The following ZNF282 variants were observed in gnomAD, a reference collection of about 807,000 sequenced individuals.
ZNF282 encodes HTLV-I U5 repressive element-binding protein 1.
Under a neutral mutation model 61.9 loss-of-function variants are expected in ZNF282, and 30 were observed. The observed-to-expected ratio is 0.48, with a 90% CI of 0.36 to 0.66. ZNF282 has a LOEUF of 0.66. Ranked by LOEUF, ZNF282 falls within the 30% of genes least tolerant of loss-of-function variation. The pLI, the probability that ZNF282 is intolerant of heterozygous loss-of-function variation, is 0.00. For synonymous variants in ZNF282, 396 were observed against 405.0 expected, an observed-to-expected ratio of 0.98 and a Z score of 0.27; for missense variants, 788 against 941.4, an observed-to-expected ratio of 0.84 and a Z score of 2.13.
chr7:149,214,557 C>G (rs966317269), intron 7 of ZNF282, among the ~76,000 whole-genome samples: 1 of 152,072 alleles, frequency 6.6e-6, no homozygotes, highest in Non-Finnish European at 1.5e-5. Flanking sequence ...AGGCTGCACA[C>G]GGTGGCTCAC....
Position 149,195,581 on chromosome 7 carries a change from A to T in ZNF282, c.-9A>T. ...CTGGCCGACCCGAGCGGGGAACAGC[A>T]CTCCCAGGATGCAGTTTGTGTCAAC... On this transcript the variant is annotated 5_prime_UTR_variant, in exon 1 of 8. Transcript: ENST00000610704. 2 of 1,608,824 alleles carry T rather than the reference A, an allele frequency of 1.2e-6. No individual in the cohort carries two copies. The highest frequency in any genetic ancestry group is 1.7e-6 in the Non-Finnish European group (2 of 1,177,968).
chr7:149,206,125 G>A (rs1411645876), intron 2 of ZNF282, among the ~76,000 whole-genome samples: 2 of 152,198 alleles, frequency 1.3e-5, no homozygotes, highest in Non-Finnish European at 2.9e-5. Flanking sequence ...GAGCTTCCTG[G>A]TGTTGGCACT....
intron 4 of ZNF282, among the ~76,000 whole-genome samples, chr7:149,208,270 A>C (rs1585566215): frequency 6.6e-6 from 1 of 151,858 alleles, no homozygotes; most frequent in Admixed American, 6.6e-5. Context: ...GCTCACTGCA[A>C]CCTCCGTCTC....
At chr7:149,210,503 ATGT>A in intron 4 of ZNF282, 79 bp from the exon 5 acceptor site, 1 of 1,573,278 alleles carries the variant, frequency 6.4e-7, no homozygotes. Flanking sequence ...ACACAAAGCA[ATGT>A]CATTCTCTGT....
At chr7:149,208,108 G>T (rs1348471457) in intron 4 of ZNF282, among the ~76,000 whole-genome samples, 1 of 152,216 alleles carries the variant, frequency 6.6e-6, no homozygotes, top group Admixed American at 6.5e-5. Flanking sequence ...GTTGGATTAG[G>T]TGAAATCTGG....
In ZNF282 at chr7:149,198,667, G is replaced by A. The variant is rs1249739845; in HGVS notation, c.500G>A (p.Arg167Gln). 6.2e-7 allele frequency: 1 copy of A among 1,614,018 alleles called. No homozygotes were observed. Among genetic ancestry groups the A allele is most frequent in the East Asian group, 2.2e-5 (1 of 44,882 alleles). The change falls in exon 2 of 8, where the codon CGG becomes CAG. Residue 167 changes from arginine (R) to glutamine (Q), a missense_variant. Arg to Gln is a conservative substitution (Grantham distance 43). Coordinates refer to ENST00000610704, the MANE Select transcript of ZNF282 (RefSeq NM_003575.4). The surrounding 1 kb of genome is among the most constrained non-coding windows in gnomAD (Gnocchi z 4.3). ...CAGGAGTACGGGCTGCTGCAGAGGC[G>A]GCTGGAGAACTTGGAGAACTTGCTG... ...LLQEYGLLQRRLENLENLLRN... is the reference protein window; with the variant it reads ...LLQEYGLLQRQLENLENLLRN...
chr7:149,207,489 A>C lies in ZNF282; in HGVS notation c.832+19A>C. ...GAAGCAGGTGATGGCAGCAGAAGAG[A>C]GTGCGGGGTCCAGGGAAGGGCGAGA... On this transcript the variant is annotated intron_variant, in intron 4 of 7. Transcript: ENST00000610704. The C allele has an allele frequency of 6.4e-7, 1 of 1,557,116 alleles. No homozygotes were observed. The highest frequency in any genetic ancestry group is 8.7e-7 in the Non-Finnish European group (1 of 1,149,732).
intron 1 of ZNF282, among the ~76,000 whole-genome samples, chr7:149,197,756 A>G (rs1270357859): frequency 1.3e-5 from 2 of 152,218 alleles, no homozygotes; most frequent in Non-Finnish European, 2.9e-5. Context: ...GGTGTGAGCC[A>G]CTGCACCTGG....
Position 149,225,022 on chromosome 7 carries a change from G to A in ZNF282, c.*375G>A, listed in dbSNP as rs958919919. The A allele has an allele frequency of 1.1e-5, 3 of 264,606 alleles. No individual in the cohort carries two copies. The Admixed American group carries it at 1.5e-4, about 13-fold the overall frequency. The allele number at this position is 264,606 out of a possible 1,614,324, so 16.4% of individuals were successfully genotyped here. On this transcript the variant is annotated 3_prime_UTR_variant, in exon 8 of 8. Transcript: ENST00000610704. The stretch of plus-strand genomic sequence containing the variant: ...AAATCAGGTCCCAAGGTTAGGAGAC[G>A]CCCTGAAAAAAAGCGAAGGCCGAGG...
Position 149,213,744 on chromosome 7 carries a change from G to A in ZNF282, c.1110G>A (p.Gln370=), listed in dbSNP as rs1237246940. The A allele has an allele frequency of 2.5e-6, 4 of 1,613,944 alleles. No individual in the cohort carries two copies. Among genetic ancestry groups the A allele is most frequent in the Non-Finnish European group, 3.4e-6 (4 of 1,179,966 alleles). The change falls in exon 7 of 8, where the codon CAG becomes CAA. Residue 370 remains glutamine (Q), a synonymous_variant. Coordinates refer to ENST00000610704, the MANE Select transcript of ZNF282 (RefSeq NM_003575.4). Reference sequence around the variant, plus strand: ...ATGACATTTTGTCATGGATCAAGCAGGAGGAGCAGCCATACCCATGGGGAC... The same window carrying A: ...ATGACATTTTGTCATGGATCAAGCAAGAGGAGCAGCCATACCCATGGGGAC... ...SAHDILSWIK[Q]EEQPYPWGPR...
In ZNF282 at chr7:149,224,580, G is replaced by A. The variant is rs1796330781; in HGVS notation, c.1949G>A (p.Arg650His). 1.3e-6 allele frequency: 2 copies of A among 1,591,710 alleles called. No individual in the cohort carries two copies. The highest frequency in any genetic ancestry group is 1.1e-5 in the South Asian group (1 of 89,834). Reference sequence around the variant, plus strand: ...AAGGAGTCGCTCAAGGACCACCTGCGCGTGCACAGCGGCGGCCCGGGCCCC... The same window carrying A: ...AAGGAGTCGCTCAAGGACCACCTGCACGTGCACAGCGGCGGCCCGGGCCCC... ...RYKESLKDHL[R>H]VHSGGPGPGA... The change falls in exon 8 of 8, where the codon CGC becomes CAC. Residue 650 changes from arginine (R) to histidine (H), a missense_variant. Coordinates refer to ENST00000610704, the MANE Select transcript of ZNF282 (RefSeq NM_003575.4).
chr7:149,221,566 G>C (rs562642187), intron 7 of ZNF282, among the ~76,000 whole-genome samples: 3 of 152,256 alleles, frequency 2.0e-5, no homozygotes, highest in South Asian at 2.1e-4. Flanking sequence ...GGACTGGGTA[G>C]ACAGAGAAGC....
chr7:149,214,923 T>G (rs551524297), intron 7 of ZNF282, among the ~76,000 whole-genome samples: 198 of 152,244 alleles, frequency 1.3e-3, no homozygotes, highest in Non-Finnish European at 2.5e-3. Flanking sequence ...ACACTGAAGC[T>G]CAAAGAGAAA....
Position 149,224,775 on chromosome 7 carries a change from C to A in ZNF282, c.*128C>A, listed in dbSNP as rs1796339428. On this transcript the variant is annotated 3_prime_UTR_variant, in exon 8 of 8. Coordinates refer to ENST00000610704, the MANE Select transcript of ZNF282 (RefSeq NM_003575.4). ...CAGGCATTGCACTCCGGTTGGGGGT[C>A]CCCCAGGGTGGGGCAGGGATCCCCC... The A allele has an allele frequency of 7.2e-7, 1 of 1,398,540 alleles. No homozygotes were observed. The highest frequency in any genetic ancestry group is 1.5e-5 in the South Asian group (1 of 66,554). 86.6% of individuals were successfully genotyped at this position (1,398,540 alleles called of 1,614,324 possible). A position where few individuals can be genotyped will look rare whatever the true frequency, so the allele number is the denominator to read the frequency against.
chr7:149,210,765 G>C (rs1796072778), intron 5 of ZNF282, 61 bp downstream of exon 5: 5 of 1,468,372 alleles, frequency 3.4e-6, no homozygotes, highest in Non-Finnish European at 4.5e-6. Flanking sequence ...GGGTTAGCAT[G>C]GTCTGCCAGC....
In ZNF282 at chr7:149,224,074, T is replaced by TGGGGGCGGC; in HGVS notation, c.1446_1454dup (p.Gly483_Gly485dup). ...GGGGCGGCGGGGGCGATGGGGGCGGTGGGGGCGGCGGCGCGGAGGCGGGGA... is the reference window on the plus strand; with the variant it reads ...GGGGCGGCGGGGGCGATGGGGGCGGTGGGGGCGGCGGGGGCGGCGGCGCGGAGGCGGGGA... On this transcript the variant is annotated inframe_insertion, in exon 8 of 8. Coordinates refer to ENST00000610704, the MANE Select transcript of ZNF282 (RefSeq NM_003575.4). 1.0e-6 allele frequency: 1 copy of TGGGGGCGGC among 989,612 alleles called. No homozygotes were observed. Among genetic ancestry groups the TGGGGGCGGC allele is most frequent in the Non-Finnish European group, 1.3e-6 (1 of 775,274 alleles). The allele number at this position is 989,612 out of a possible 1,614,324, so 61.3% of individuals were successfully genotyped here. A position where few individuals can be genotyped will look rare whatever the true frequency, so the allele number is the denominator to read the frequency against.
chr7:149,220,609 G>A lies in ZNF282; in HGVS notation c.1181-3203G>A, dbSNP rs180735400. The stretch of plus-strand genomic sequence containing the variant: ...CACAGCAGCTGCAGCTGTCCCAAGC[G>A]TCGCATCCAGACATGAGTGTACAGG... On this transcript the variant is annotated intron_variant, in intron 7 of 7. Coordinates refer to ENST00000610704, the MANE Select transcript of ZNF282 (RefSeq NM_003575.4). Among the ~76,000 whole-genome samples the A allele has an allele frequency of 2.5e-3, 377 of 152,146 alleles. 1 individual carries two copies. The highest frequency in any genetic ancestry group is 8.7e-3 in the African/African-American group (359 of 41,494).
At chr7:149,199,854 A>G (rs908634896) in intron 2 of ZNF282, among the ~76,000 whole-genome samples, 6 of 152,166 alleles carry the variant, frequency 3.9e-5, no homozygotes, top group Non-Finnish European at 7.3e-5. Flanking sequence ...TTTCCTTTGC[A>G]AATATGTCAG....
In ZNF282 at chr7:149,225,011, G is replaced by T; in HGVS notation, c.*364G>T. Reference sequence around the variant, plus strand: ...CTGAGATCAGGAAATCAGGTCCCAAGGTTAGGAGACGCCCTGAAAAAAAGC... The same window carrying T: ...CTGAGATCAGGAAATCAGGTCCCAATGTTAGGAGACGCCCTGAAAAAAAGC... On this transcript the variant is annotated 3_prime_UTR_variant, in exon 8 of 8. Transcript: ENST00000610704. 1 of 284,532 alleles carries T rather than the reference G, an allele frequency of 3.5e-6. No individual in the cohort carries two copies. 17.6% of individuals were successfully genotyped at this position (284,532 alleles called of 1,614,324 possible).
Sources: allele counts gnomAD v4.1 joint callset (sites outside exome capture counted in the v4.1 genomes callset), GRCh38; gene constraint gnomAD v4.1.1; non-coding constraint Gnocchi (gnomAD v3.1); transcripts MANE v1.5; gene names NCBI Gene and HGNC (gene_info 2026-07-23, HGNC 2026-07-21).